The following COTL1 variants were observed in gnomAD, a reference collection of about 807,000 sequenced individuals.
COTL1 encodes the protein coactosin-like protein.
Under a neutral mutation model 16.5 loss-of-function variants are expected in COTL1, and 15 were observed. The observed-to-expected ratio is 0.91, with a 90% CI of 0.61 to 1.40. The LOEUF (loss-of-function observed/expected upper bound fraction) is 1.40. Among genes scored for constraint, COTL1 ranks in the 40% most tolerant of loss-of-function variants. The probability of loss-of-function intolerance (pLI) is 0.00; values close to 1 mark genes in which losing one functional copy is unlikely to be tolerated. For synonymous variants in COTL1, 112 were observed against 85.3 expected (o/e 1.31, Z -1.73); for missense variants, 220 against 201.5 (o/e 1.09, Z -0.56).
chr16:84,615,914 T>G (rs555580421), intron 2 of COTL1: 1 of 151,620 alleles, frequency 6.6e-6, no homozygotes, highest in African/African-American at 2.4e-5. Context: ...CATCCTCTAG[T>G]AGTCACACCA....
At chr16:84,586,427 G>A (rs1003988833) in intron 3 of COTL1, among the ~76,000 whole-genome samples, 2 of 152,140 alleles carry the variant, frequency 1.3e-5, no homozygotes, top group African/African-American at 4.8e-5. Context: ...TTCTAGAGAG[G>A]AAAGAAACTC....
intron 2 of COTL1, among the ~76,000 whole-genome samples, chr16:84,591,293 C>T (rs150038595): frequency 0.2 from 30,103 of 151,078 alleles, 3,263 homozygotes; most frequent in African/African-American, 0.29. Context: ...ACACCATTCT[C>T]CTGCCTCAGC....
rs1033405267 is a variant in COTL1 at position 84,566,638 on chromosome 16, G to A, written c.*207C>T. The stretch of plus-strand genomic sequence containing the variant: ...AAAGAAAAAGAAGATCAAAGAAAGA[G>A]GTTCCATGAGCGTCATGAGATAGGA... On this transcript the variant is annotated 3_prime_UTR_variant, in exon 4 of 4. Coordinates refer to ENST00000262428, the MANE Select transcript of COTL1 (RefSeq NM_021149.5). 1.8e-5 allele frequency: 9 copies of A among 493,178 alleles called. No individual in the cohort carries two copies. Among genetic ancestry groups the A allele is most frequent in the African/African-American group, 9.8e-5 (5 of 51,112 alleles). The allele number at this position is 493,178 out of a possible 1,614,324, so 30.6% of individuals were successfully genotyped here.
In COTL1 at chr16:84,582,671, G is replaced by A. The variant is rs913843196; in HGVS notation, c.318+7434C>T. On this transcript the variant is annotated intron_variant, in intron 3 of 3. Coordinates refer to ENST00000262428, the MANE Select transcript of COTL1 (RefSeq NM_021149.5). The stretch of plus-strand genomic sequence containing the variant: ...GGTAGGAGAATGGGGTAAGAAATCC[G>A]GGTTTTGAAGGATGAATAGTTCACC... Among the ~76,000 whole-genome samples the A allele has an allele frequency of 6.6e-5, 10 of 152,156 alleles. No homozygotes were observed. The East Asian group carries it at 7.7e-4, about 12-fold the overall frequency.
Position 84,566,666 on chromosome 16 carries a change from C to A in COTL1, c.*179G>T. ...TCCATGAGCGTCATGAGATAGGACACGGCAGGGTTCTAAGGGAAGCGGGAA... is the reference window on the plus strand; with the variant it reads ...TCCATGAGCGTCATGAGATAGGACAAGGCAGGGTTCTAAGGGAAGCGGGAA... On this transcript the variant is annotated 3_prime_UTR_variant, in exon 4 of 4. Transcript: ENST00000262428. 1.8e-6 allele frequency: 1 copy of A among 564,512 alleles called. No homozygotes were observed. The highest frequency in any genetic ancestry group is 3.2e-6 in the Non-Finnish European group (1 of 316,638). The allele number at this position is 564,512 out of a possible 1,614,324, so 35.0% of individuals were successfully genotyped here. A position where few individuals can be genotyped will look rare whatever the true frequency, so the allele number is the denominator to read the frequency against.
intron 2 of COTL1, among the ~76,000 whole-genome samples, chr16:84,593,604 C>A (rs554610747): frequency 6.6e-6 from 1 of 152,042 alleles, no homozygotes; most frequent in East Asian, 1.9e-4. Context: ...CTCCGCCTCC[C>A]GGGTTCACAC....
chr16:84,598,536 C>T (rs1394503256), intron 2 of COTL1, among the ~76,000 whole-genome samples: 1 of 152,128 alleles, frequency 6.6e-6, no homozygotes, highest in East Asian at 1.9e-4. Context: ...GTTACATGCT[C>T]TTTTCTCTGG....
chr16:84,589,746 G>T (rs1300830052), intron 3 of COTL1, among the ~76,000 whole-genome samples: 1 of 151,978 alleles, frequency 6.6e-6, no homozygotes, highest in African/African-American at 2.4e-5. Flanking sequence ...GGATCCTTGC[G>T]ACCACCGCCG....
chr16:84,598,017 T>C (rs1325800029), intron 2 of COTL1, among the ~76,000 whole-genome samples: 2 of 152,200 alleles, frequency 1.3e-5, no homozygotes, highest in Non-Finnish European at 2.9e-5. Flanking sequence ...AGCATCACAC[T>C]GAGCCCCATC....
Position 84,574,200 on chromosome 16 carries a change from G to T in COTL1, c.319-7245C>A, listed in dbSNP as rs143514004. 6.3e-3 allele frequency among the ~76,000 whole-genome samples: 962 copies of T among 152,272 alleles called. 11 individuals are homozygous for T. Among genetic ancestry groups the T allele is most frequent in the African/African-American group, 0.022 (912 of 41,546 alleles). Reference sequence around the variant, plus strand: ...AGGACCAGCAACAACCCAGAGAGGGGACGCAGTTCATCCCAGGGGACACAG... The same window carrying T: ...AGGACCAGCAACAACCCAGAGAGGGTACGCAGTTCATCCCAGGGGACACAG... On this transcript the variant is annotated intron_variant, in intron 3 of 3. Coordinates refer to ENST00000262428, the MANE Select transcript of COTL1 (RefSeq NM_021149.5).
At chr16:84,592,040 G>T (rs896798451) in intron 2 of COTL1, among the ~76,000 whole-genome samples, 9 of 152,084 alleles carry the variant, frequency 5.9e-5, no homozygotes, top group African/African-American at 1.9e-4. Context: ...GTAAATTGCA[G>T]GGTGCTGAGC....
At chr16:84,591,708 A>C (rs1904869462) in intron 2 of COTL1, among the ~76,000 whole-genome samples, 1 of 148,068 alleles carries the variant, frequency 6.8e-6, no homozygotes, top group Admixed American at 6.8e-5. Flanking sequence ...CTGTAGTCCC[A>C]GCTACCAGGG....
chr16:84,568,248 T>C (rs887190189), intron 3 of COTL1: 1 of 152,242 alleles, frequency 6.6e-6, no homozygotes, highest in African/African-American at 2.4e-5. Context: ...TCCGCCCAGC[T>C]TGGCCTCCCA....
At chr16:84,601,701 A>T (rs549320170) in intron 2 of COTL1, among the ~76,000 whole-genome samples, 1 of 152,208 alleles carries the variant, frequency 6.6e-6, no homozygotes, top group East Asian at 1.9e-4. Flanking sequence ...TGATCCCCCC[A>T]TCCTGGCCTC....
chr16:84,604,668 G>A (rs891259), intron 2 of COTL1, among the ~76,000 whole-genome samples: 2,778 of 152,218 alleles, frequency 0.018, 38 homozygotes, highest in Non-Finnish European at 0.027. Context: ...AGAGCTGCAG[G>A]GTGGACACAG....
At chr16:84,616,637 T>C (rs1295040816) in intron 2 of COTL1, among the ~76,000 whole-genome samples, 1 of 151,164 alleles carries the variant, frequency 6.6e-6, no homozygotes, top group Non-Finnish European at 1.5e-5. Context: ...TGGGAGGGAG[T>C]CGCATTCTCC....
chr16:84,584,227 C>A (rs776928885), intron 3 of COTL1, among the ~76,000 whole-genome samples: 1 of 152,276 alleles, frequency 6.6e-6, no homozygotes, highest in Non-Finnish European at 1.5e-5. Context: ...GGAGTCTGGG[C>A]ATCGCAATCG....
At chr16:84,608,022 A>G (rs1905248473) in intron 2 of COTL1, among the ~76,000 whole-genome samples, 1 of 152,324 alleles carries the variant, frequency 6.6e-6, no homozygotes, top group African/African-American at 2.4e-5. Flanking sequence ...GAGGGGGACT[A>G]TCTTTTCAGG....
intron 2 of COTL1, among the ~76,000 whole-genome samples, chr16:84,617,100 G>A (rs912624124): frequency 2.0e-5 from 3 of 152,184 alleles, no homozygotes; most frequent in Admixed American, 6.5e-5. Context: ...GGGCGCGGCT[G>A]AGTTTCTTTC....
Sources: allele counts gnomAD v4.1 joint callset (sites outside exome capture counted in the v4.1 genomes callset), GRCh38; gene constraint gnomAD v4.1.1; transcripts MANE v1.5; gene names NCBI Gene and HGNC (gene_info 2026-07-23, HGNC 2026-07-21).